The following TIMM21 variants were observed in gnomAD, a reference collection of about 807,000 sequenced individuals.
TIMM21 encodes the protein mitochondrial import inner membrane translocase subunit Tim21.
In TIMM21, 30 loss-of-function variants were observed where a neutral mutation model predicts 27.7. The observed-to-expected ratio is 1.08, with a 90% confidence interval of 0.81 to 1.47. The LOEUF (loss-of-function observed/expected upper bound fraction) is 1.47, where lower values mean the gene tolerates loss of function less well. Among genes scored for constraint, TIMM21 ranks in the 40% most tolerant of loss-of-function variants. The probability of loss-of-function intolerance (pLI) is 0.00; values close to 1 mark genes in which losing one functional copy is unlikely to be tolerated. For synonymous variants in TIMM21, 121 were observed against 114.4 expected, an observed-to-expected ratio of 1.06 and a Z score of -0.37; for missense variants, 292 against 302.9, an observed-to-expected ratio of 0.96 and a Z score of 0.27.
Position 74,148,873 on chromosome 18 carries a change from G to T in TIMM21, c.65G>T (p.Arg22Leu). Residue 22 changes from arginine to leucine, a missense_variant, in exon 1 of 6, where the codon CGA becomes CTA. Physicochemically the swap from Arg to Leu is moderately radical, Grantham distance 102 (BLOSUM62 -2). Transcript: ENST00000169551. ...AAGCTGCACAGGTCCTCGGCAAAGC[G>T]ATTGCTTTTGCCATACATCGTGCTT... ...TEKLHRSSAK[R>L]LLLPYIVLNK... is the part of the protein sequence containing the mutation. 6.2e-7 allele frequency: 1 copy of T among 1,614,130 alleles called. No individual in the cohort carries two copies.
intron 3 of TIMM21, chr18:74,155,634 T>A: frequency 2.0e-6 from 1 of 492,978 alleles, no homozygotes; most frequent in Non-Finnish European, 3.5e-6. Context: ...TTGCTGGTTG[T>A]TCATAGATAC....
Position 74,149,115 on chromosome 18 carries a change from AAGG to A in TIMM21, c.301+9_301+11del. The A allele has an allele frequency of 6.2e-7, 1 of 1,605,226 alleles. No individual in the cohort carries two copies. The highest frequency in any genetic ancestry group is 1.1e-5 in the South Asian group (1 of 90,856). ...CGTCCCAACATCACAAAAAGGTAAA[AAGG>A]AGTACTTTAATGATTGGGCTTTCAA... On this transcript the variant is annotated splice_region_variant and intron_variant, in intron 1 of 5. Transcript: ENST00000169551.
intron 1 of TIMM21, among the ~76,000 whole-genome samples, chr18:74,149,558 T>C (rs190239928): frequency 6.6e-6 from 1 of 152,154 alleles, no homozygotes; most frequent in Admixed American, 6.5e-5. Flanking sequence ...GATTTTTTTT[T>C]AATGTCTTCA....
rs1390285956 is a variant in TIMM21, at chr18:74,160,321, A to AG, written c.*1841_*1842insG. ...GTGACGGAGTGTGACTTCGTCTCAA[A>AG]AAAAAAAAACAAAAAACAGATCTGA... On this transcript the variant is annotated 3_prime_UTR_variant, in exon 6 of 6. Coordinates refer to ENST00000169551, the MANE Select transcript of TIMM21 (RefSeq NM_014177.3). 4.6e-5 allele frequency: 7 copies of AG among 151,738 alleles called. No homozygotes were observed. Among genetic ancestry groups the AG allele is most frequent in the African/African-American group, 1.5e-4 (6 of 41,228 alleles). The allele number at this position is 151,738 out of a possible 1,614,324, so 9.4% of individuals were successfully genotyped here.
chr18:74,150,939 G>A (rs75350492), intron 1 of TIMM21, among the ~76,000 whole-genome samples: 7,560 of 152,228 alleles, frequency 0.05, 264 homozygotes, highest in East Asian at 0.12. Flanking sequence ...CCACTGCGAT[G>A]GCTCTTAACC....
At chr18:74,150,300 G>T (rs1979767510) in intron 1 of TIMM21, among the ~76,000 whole-genome samples, 3 of 152,188 alleles carry the variant, frequency 2.0e-5, no homozygotes, top group African/African-American at 7.2e-5. Context: ...GCATAGAAAT[G>T]TCCTATATCT....
At chr18:74,149,927 G>C (rs1225490115) in intron 1 of TIMM21, among the ~76,000 whole-genome samples, 2 of 152,224 alleles carry the variant, frequency 1.3e-5, no homozygotes, top group Non-Finnish European at 1.5e-5. Flanking sequence ...CCATTCAGAC[G>C]TGACAGTCCT....
chr18:74,150,419 A>T (rs188048244), intron 1 of TIMM21, among the ~76,000 whole-genome samples: 1 of 152,200 alleles, frequency 6.6e-6, no homozygotes, highest in Non-Finnish European at 1.5e-5. Context: ...TAATTAATTT[A>T]AAATTGAACT....
In TIMM21 at chr18:74,148,756, G is replaced by A. The variant is rs1979683405; in HGVS notation, c.-53G>A. 2 of 1,562,346 alleles carry A rather than the reference G, an allele frequency of 1.3e-6. No individual in the cohort carries two copies. Among genetic ancestry groups the A allele is most frequent in the Admixed American group, 1.8e-5 (1 of 56,952 alleles). On this transcript the variant is annotated 5_prime_UTR_variant, in exon 1 of 6. Transcript: ENST00000169551. Reference sequence around the variant, plus strand: ...GGCCGCATGTGTAGTGAACCCTAAAGCTTTCCTAATTGTAGTTAGCATCGT... The same window carrying A: ...GGCCGCATGTGTAGTGAACCCTAAAACTTTCCTAATTGTAGTTAGCATCGT...
At chr18:74,153,832 C>G (rs1304860741) in intron 1 of TIMM21, among the ~76,000 whole-genome samples, 1 of 152,126 alleles carries the variant, frequency 6.6e-6, no homozygotes, top group African/African-American at 2.4e-5. Flanking sequence ...ACAGCAACAT[C>G]TATTAAAATT....
chr18:74,149,520 G>T (rs929737447), intron 1 of TIMM21, among the ~76,000 whole-genome samples: 4 of 151,926 alleles, frequency 2.6e-5, no homozygotes, highest in Non-Finnish European at 5.9e-5. Flanking sequence ...GTCAGGGAAA[G>T]TCAGAGATGT....
At position 74,158,605 on chromosome 18, in the gene TIMM21, A is replaced by G; in HGVS notation, c.*125A>G. 1 of 660,788 alleles carries G rather than the reference A, an allele frequency of 1.5e-6. No individual in the cohort carries two copies. Among genetic ancestry groups the G allele is most frequent in the Non-Finnish European group, 2.7e-6 (1 of 373,534 alleles). The allele number at this position is 660,788 out of a possible 1,614,324, so 40.9% of individuals were successfully genotyped here. ...ATGGCTTATAAAGTGAATCTAATAC[A>G]GTATTTGTTGCATTTAAACAAACTA... is the stretch of plus-strand genomic sequence containing the variant. On this transcript the variant is annotated 3_prime_UTR_variant, in exon 6 of 6. Coordinates refer to ENST00000169551, the MANE Select transcript of TIMM21 (RefSeq NM_014177.3).
At position 74,158,917 on chromosome 18, in the gene TIMM21, T is replaced by G. The variant is rs1037998043; in HGVS notation, c.*437T>G. 5.6e-6 allele frequency: 1 copy of G among 178,942 alleles called. No homozygotes were observed. Among genetic ancestry groups the G allele is most frequent in the Non-Finnish European group, 1.2e-5 (1 of 86,022 alleles). 11.1% of individuals were successfully genotyped at this position (178,942 alleles called of 1,614,324 possible). On this transcript the variant is annotated 3_prime_UTR_variant, in exon 6 of 6. Transcript: ENST00000169551. ...ACTTGAGATAAGCATGTGAAAATGG[T>G]TGAGGGCCATAGGGAACCAGATGGT...
chr18:74,148,862 C>A lies in TIMM21; in HGVS notation c.54C>A (p.Ser18=), dbSNP rs2145250295. The change falls in exon 1 of 6, where the codon TCC becomes TCA. Residue 18 remains serine (S), a synonymous_variant. Coordinates refer to ENST00000169551, the MANE Select transcript of TIMM21 (RefSeq NM_014177.3). ...AVQYTEKLHR[S]SAKRLLLPYI... ...AGTATACGGAGAAGCTGCACAGGTCCTCGGCAAAGCGATTGCTTTTGCCAT... is the reference window on the plus strand; with the variant it reads ...AGTATACGGAGAAGCTGCACAGGTCATCGGCAAAGCGATTGCTTTTGCCAT... 6.2e-7 allele frequency: 1 copy of A among 1,614,092 alleles called. No homozygotes were observed. The highest frequency in any genetic ancestry group is 8.5e-7 in the Non-Finnish European group (1 of 1,179,964).
chr18:74,154,119 C>A (rs1033129371), intron 1 of TIMM21, among the ~76,000 whole-genome samples: 1 of 152,142 alleles, frequency 6.6e-6, no homozygotes, highest in East Asian at 1.9e-4. Flanking sequence ...CTAAGCAAGG[C>A]AGGAATGAAA....
chr18:74,158,630 A>G lies in TIMM21; in HGVS notation c.*150A>G. 1.7e-6 allele frequency: 1 copy of G among 598,344 alleles called. No individual in the cohort carries two copies. The highest frequency in any genetic ancestry group is 3.0e-6 in the Non-Finnish European group (1 of 334,520). 37.1% of individuals were successfully genotyped at this position (598,344 alleles called of 1,614,324 possible). A position where few individuals can be genotyped will look rare whatever the true frequency, so the allele number is the denominator to read the frequency against. On this transcript the variant is annotated 3_prime_UTR_variant, in exon 6 of 6. Transcript: ENST00000169551. The stretch of plus-strand genomic sequence containing the variant: ...AGTATTTGTTGCATTTAAACAAACT[A>G]GACATTTTCTTACGGAAAAATTATG...
In TIMM21 at chr18:74,158,170, G is replaced by A. The variant is rs1489739221; in HGVS notation, c.537-1G>A. The A allele has an allele frequency of 6.2e-7, 1 of 1,614,100 alleles. No individual in the cohort carries two copies. The highest frequency in any genetic ancestry group is 1.1e-5 in the South Asian group (1 of 91,082). ...AGACTGATCTTTCGTTTTCTCGACA[G>A]GTTCACTGAATATGTAAAAGATGGG... On this transcript the variant is annotated splice_acceptor_variant, in intron 4 of 5. Coordinates refer to ENST00000169551, the MANE Select transcript of TIMM21 (RefSeq NM_014177.3). LOFTEE classifies it high-confidence loss of function.
rs1301834201 is a variant in TIMM21, at chr18:74,155,161, A to C, written c.318A>C (p.Arg106Ser). Residue 106 changes from arginine (R) to serine (S), a missense_variant, in exon 2 of 6, where the codon AGA becomes AGC. Physicochemically the swap from Arg to Ser is moderately radical, Grantham distance 110 (BLOSUM62 -1). Transcript: ENST00000169551. Reference protein sequence around the residue: ...PTSQKVKEAGRDFTYLIVVLF... With the variant: ...PTSQKVKEAGSDFTYLIVVLF... The stretch of plus-strand genomic sequence containing the variant: ...TCTTCACAGTGAAAGAAGCCGGAAG[A>C]GATTTTACCTATTTAATAGTGGTGC... The C allele has an allele frequency of 1.2e-6, 2 of 1,614,088 alleles. No homozygotes were observed. The highest frequency in any genetic ancestry group is 2.7e-5 in the African/African-American group (2 of 74,930).
intron 1 of TIMM21, among the ~76,000 whole-genome samples, chr18:74,149,376 C>T (rs57545032): frequency 0.088 from 13,339 of 151,926 alleles, 1,077 homozygotes; most frequent in African/African-American, 0.21. Flanking sequence ...GGCTCTGTTA[C>T]ATATAATAAA....
Sources: allele counts gnomAD v4.1 joint callset (sites outside exome capture counted in the v4.1 genomes callset), GRCh38; gene constraint gnomAD v4.1.1; transcripts MANE v1.5; gene names NCBI Gene and HGNC (gene_info 2026-07-23, HGNC 2026-07-21).